The following PHACTR3 variants were observed in gnomAD, a reference collection of about 807,000 sequenced individuals.
The protein encoded by PHACTR3 is phosphatase and actin regulator 3.
A neutral mutation model predicts 66.8 loss-of-function variants in PHACTR3; 16 were observed. The observed-to-expected ratio is 0.24, with a 90% CI of 0.16 to 0.36. The LOEUF is 0.36. PHACTR3 is among the 10% of genes least tolerant of loss of function. The pLI is 1.00. For missense variants in PHACTR3, 647 were observed against 719.9 expected (o/e 0.90, Z 1.16); for synonymous variants, 323 against 292.1 (o/e 1.11, Z -1.08).
At chr20:59,840,456 A>T (rs774903873) in intron 10 of PHACTR3, 26 bp downstream of exon 10, 1 of 1,612,018 alleles carries the variant, frequency 6.2e-7, no homozygotes, top group Non-Finnish European at 8.5e-7. Flanking sequence ...TATTGCCTGA[A>T]TAATAAAAGG....
At chr20:59,827,591 G>C (rs1373715636) in intron 8 of PHACTR3, among the ~76,000 whole-genome samples, 1 of 152,168 alleles carries the variant, frequency 6.6e-6, no homozygotes, top group African/African-American at 2.4e-5. Flanking sequence ...GTGCAGAGAG[G>C]AGACTGGCTG....
intron 1 of PHACTR3, among the ~76,000 whole-genome samples, chr20:59,655,597 C>G (rs764668803): frequency 2.0e-5 from 3 of 151,808 alleles, no homozygotes; most frequent in Non-Finnish European, 4.4e-5. Flanking sequence ...TTCAAAGAAC[C>G]AACTCTTTAT....
At chr20:59,763,464 C>T (rs902683457) in intron 4 of PHACTR3, among the ~76,000 whole-genome samples, 2 of 152,178 alleles carry the variant, frequency 1.3e-5, no homozygotes, top group African/African-American at 2.4e-5. Context: ...TGTTCAATAA[C>T]ATTTGCAAGA....
intron 5 of PHACTR3, 85 bp downstream of exon 5, chr20:59,767,480 A>G: frequency 1.4e-6 from 2 of 1,400,248 alleles, no homozygotes; most frequent in South Asian, 1.3e-5. Context: ...CCCATCCATC[A>G]TCTATCTATT....
chr20:59,842,783 T>C (rs1387178424), intron 11 of PHACTR3, among the ~76,000 whole-genome samples: 3 of 152,138 alleles, frequency 2.0e-5, no homozygotes, highest in Non-Finnish European at 4.4e-5. Context: ...GCTTGGTCCG[T>C]TTAGGTATGG....
chr20:59,722,109 G>A (rs1449874051), intron 1 of PHACTR3, among the ~76,000 whole-genome samples: 2 of 152,168 alleles, frequency 1.3e-5, no homozygotes, highest in Non-Finnish European at 2.9e-5. Flanking sequence ...GCGGGCACCT[G>A]TGGTCCCAGC....
At chr20:59,598,888 C>T (rs1233302083) in intron 1 of PHACTR3, among the ~76,000 whole-genome samples, 1 of 152,202 alleles carries the variant, frequency 6.6e-6, no homozygotes, top group Non-Finnish European at 1.5e-5. Context: ...GTTTTGCCTT[C>T]ATCTTTCCTT....
intron 1 of PHACTR3, among the ~76,000 whole-genome samples, chr20:59,702,018 A>G (rs1568726329): frequency 6.6e-6 from 1 of 152,154 alleles, no homozygotes; most frequent in East Asian, 1.9e-4. Flanking sequence ...AGTTTCCTCC[A>G]TGTCTTTCCT....
chr20:59,769,713 G>A (rs1207561373), intron 5 of PHACTR3, among the ~76,000 whole-genome samples: 1 of 152,174 alleles, frequency 6.6e-6, no homozygotes, highest in African/African-American at 2.4e-5. Context: ...GCATACAGCA[G>A]GCACTCAGCA....
intron 7 of PHACTR3, among the ~76,000 whole-genome samples, chr20:59,787,960 C>A (rs1174008878): frequency 1.3e-5 from 2 of 152,082 alleles, no homozygotes; most frequent in African/African-American, 2.4e-5. Context: ...TGCATTTTTC[C>A]GTTTTATTTT....
chr20:59,727,939 C>T (rs189306391), intron 1 of PHACTR3, among the ~76,000 whole-genome samples: 1 of 152,296 alleles, frequency 6.6e-6, no homozygotes, highest in East Asian at 1.9e-4. Context: ...TGGAATGAGA[C>T]ATGAAAAGGG....
rs115114014 is a variant in PHACTR3, at chr20:59,840,664, A to G, written c.1446+234A>G. On this transcript the variant is annotated intron_variant, in intron 10 of 12. Transcript: ENST00000371015. Reference sequence around the variant, plus strand: ...AGCACGGTAGCACTTGGAGAGGTGCACAATGCACATGACATTTTTTACTTA... The same window carrying G: ...AGCACGGTAGCACTTGGAGAGGTGCGCAATGCACATGACATTTTTTACTTA... Among the ~76,000 whole-genome samples, 4,724 of 152,344 alleles carry G rather than the reference A, an allele frequency of 0.031. 258 individuals are homozygous for G. The highest frequency in any genetic ancestry group is 0.1 in the African/African-American group (4,286 of 41,578).
At chr20:59,720,938 C>CACCGTGGATTTCTGTACTGGGTGTCAGGG (rs1359365619) in intron 1 of PHACTR3, among the ~76,000 whole-genome samples, 1 of 127,634 alleles carries the variant, frequency 7.8e-6, no homozygotes, top group Non-Finnish European at 1.5e-5. Context: ...GGGTGTCAGG[C>CACCGTGGATTTCTGTACTGGGTGTCAGGG]ACCGTGGATT....
intron 7 of PHACTR3, among the ~76,000 whole-genome samples, chr20:59,774,829 G>A (rs1346749476): frequency 1.3e-5 from 2 of 151,906 alleles, no homozygotes; most frequent in East Asian, 1.9e-4. Flanking sequence ...ATGCTGTGGC[G>A]AACAGTATAT....
chr20:59,820,730 AAT>A lies in PHACTR3; in HGVS notation c.1328+14537_1328+14538del, dbSNP rs1194526919. Among the ~76,000 whole-genome samples, 2 of 152,184 alleles carry A rather than the reference AAT, an allele frequency of 1.3e-5. No individual in the cohort carries two copies. Among genetic ancestry groups the A allele is most frequent in the South Asian group, 2.1e-4 (1 of 4,828 alleles). On this transcript the variant is annotated intron_variant, in intron 8 of 12. Transcript: ENST00000371015. This position sits in a 1 kb window ranked among gnomAD's most constrained non-coding sequence, Gnocchi z 4.6. ...TGTTTGTTTTCCTTGGTTGCTTGGG[AAT>A]CTGTAGAGGATGGTACAGCATGTTT...
At chr20:59,836,391 T>C in intron 8 of PHACTR3, 114 bp from the exon 9 acceptor site, 1 of 902,456 alleles carries the variant, frequency 1.1e-6, no homozygotes, top group Non-Finnish European at 1.6e-6. Flanking sequence ...CTCCTTCCAA[T>C]TTTGGGAGGC....
chr20:59,832,216 G>C lies in PHACTR3; in HGVS notation c.1329-4289G>C, dbSNP rs188818275. On this transcript the variant is annotated intron_variant, in intron 8 of 12. Coordinates refer to ENST00000371015, the MANE Select transcript of PHACTR3 (RefSeq NM_080672.5). ...AGCTGCTGATCACATTCCTCTCTCT[G>C]AGCCTCAAGGGTCTCGCCTGTAATG... 5.3e-5 allele frequency among the ~76,000 whole-genome samples: 8 copies of C among 152,260 alleles called. No homozygotes were observed. In the South Asian group the frequency reaches 1.4e-3, roughly 28 times the overall value.
chr20:59,593,193 C>T (rs937196198), intron 1 of PHACTR3, among the ~76,000 whole-genome samples: 6 of 152,196 alleles, frequency 3.9e-5, no homozygotes, highest in African/African-American at 1.4e-4. Flanking sequence ...GGACTTTGGC[C>T]ATTCTGATGG....
chr20:59,671,369 T>C (rs1364380614), intron 1 of PHACTR3, among the ~76,000 whole-genome samples: 1 of 152,172 alleles, frequency 6.6e-6, no homozygotes. Flanking sequence ...GCATTCTTTC[T>C]CTTATGGGTC....
Sources: gnomAD v4.1 joint callset for allele counts (sites outside exome capture counted in the v4.1 genomes callset) on GRCh38, gnomAD v4.1.1 for gene constraint, Gnocchi (gnomAD v3.1) non-coding constraint, MANE v1.5 for transcripts, NCBI Gene and HGNC (gene_info 2026-07-23, HGNC 2026-07-21) for gene names.